LRMDA: variants seen among roughly 807,000 people sequenced by gnomAD.
The protein encoded by LRMDA is leucine-rich melanocyte differentiation-associated protein.
In LRMDA, 18 loss-of-function variants were observed where a neutral mutation model predicts 29.8. That is an observed-to-expected ratio of 0.60 (90% CI 0.42 to 0.90). LRMDA has a LOEUF of 0.90. Among genes scored for constraint, LRMDA ranks in the 40% least tolerant of loss-of-function variants. The pLI is 0.00. For synonymous variants in LRMDA, 125 were observed against 109.4 expected (o/e 1.14, Z -0.89); for missense variants, 273 against 273.9 (o/e 1.00, Z 0.02).
chr10:75,612,432 A>G (rs1255964475), intron 2 of LRMDA, among the ~76,000 whole-genome samples: 1 of 152,150 alleles, frequency 6.6e-6, no homozygotes, highest in Non-Finnish European at 1.5e-5. Context: ...TAATTCTACT[A>G]TAATACTTGA....
chr10:75,852,398 T>TA (rs1179610513), intron 2 of LRMDA, among the ~76,000 whole-genome samples: 14 of 152,236 alleles, frequency 9.2e-5, no homozygotes, highest in African/African-American at 2.6e-4. Flanking sequence ...ACAGATATTT[T>TA]AAAAAACAAC....
At chr10:75,503,380 GGGT>G in intron 2 of LRMDA, among the ~76,000 whole-genome samples, 1 of 152,124 alleles carries the variant, frequency 6.6e-6, no homozygotes. Context: ...TGCAGGGCAG[GGGT>G]GGTGGTGGAT....
chr10:75,512,324 T>C lies in LRMDA; in HGVS notation c.131+73830T>C, dbSNP rs183256560. Among the ~76,000 whole-genome samples, 14 of 152,094 alleles carry C rather than the reference T, an allele frequency of 9.2e-5. No individual in the cohort carries two copies. The East Asian group carries it at 2.7e-3, about 29-fold the overall frequency. ...GAAATTCCTGTATATTCACAGCTAA[T>C]CGTTTTCTCCCCTTGAATCAATGTG... On this transcript the variant is annotated intron_variant, in intron 2 of 6. Transcript: ENST00000611255.
At chr10:75,736,159 C>T (rs781349424) in intron 2 of LRMDA, among the ~76,000 whole-genome samples, 25 of 152,086 alleles carry the variant, frequency 1.6e-4, no homozygotes, top group Non-Finnish European at 3.1e-4. Flanking sequence ...GTGTAAAAAC[C>T]GTAATAGTTT....
At chr10:75,658,325 A>G (rs938306789) in intron 2 of LRMDA, among the ~76,000 whole-genome samples, 87 of 150,764 alleles carry the variant, frequency 5.8e-4, no homozygotes, top group Admixed American at 2.4e-3. Flanking sequence ...GAGGCAGGGA[A>G]GGCTGGTGAA....
intron 5 of LRMDA, among the ~76,000 whole-genome samples, chr10:76,068,878 C>T (rs376295484): frequency 1.3e-5 from 2 of 152,186 alleles, no homozygotes; most frequent in Non-Finnish European, 2.9e-5. Context: ...AATGGCACCC[C>T]GTTCCACCAC....
chr10:75,672,541 C>T (rs1260358640), intron 2 of LRMDA, among the ~76,000 whole-genome samples: 1 of 8,596 alleles, frequency 1.2e-4, no homozygotes, highest in Admixed American at 8.0e-4. Context: ...CTCCCCTCCC[C>T]TCCCCTCCCC....
intron 2 of LRMDA, among the ~76,000 whole-genome samples, chr10:75,768,161 A>G (rs1236718445): frequency 6.6e-6 from 1 of 152,194 alleles, no homozygotes; most frequent in East Asian, 1.9e-4. Flanking sequence ...TGTAACAGCC[A>G]TGGGAATCCA....
chr10:76,465,819 C>T (rs1324858288), intron 6 of LRMDA, among the ~76,000 whole-genome samples: 1 of 151,884 alleles, frequency 6.6e-6, no homozygotes, highest in African/African-American at 2.4e-5. Flanking sequence ...TGTTTGTGGC[C>T]TCTCCCCTCC....
intron 6 of LRMDA, among the ~76,000 whole-genome samples, chr10:76,533,507 A>C (rs1337998418): frequency 6.6e-6 from 1 of 152,192 alleles, no homozygotes; most frequent in Non-Finnish European, 1.5e-5. Flanking sequence ...GGCCTCCAAG[A>C]ACAACTTGCT....
chr10:76,258,469 A>C (rs569550642), intron 5 of LRMDA, among the ~76,000 whole-genome samples: 1 of 152,188 alleles, frequency 6.6e-6, no homozygotes, highest in Non-Finnish European at 1.5e-5. Flanking sequence ...GGAACATTCA[A>C]TATCCTTCTT....
At chr10:76,003,147 C>T (rs779702125) in intron 2 of LRMDA, among the ~76,000 whole-genome samples, 21 of 152,156 alleles carry the variant, frequency 1.4e-4, no homozygotes, top group Non-Finnish European at 2.8e-4. Context: ...AGAAAGCCAT[C>T]AGAACAGGGA....
chr10:76,442,766 T>C (rs1302805844), intron 6 of LRMDA, among the ~76,000 whole-genome samples: 1 of 152,184 alleles, frequency 6.6e-6, no homozygotes, highest in African/African-American at 2.4e-5. Context: ...TTGATTTCTC[T>C]TTTTAGGCGT....
intron 6 of LRMDA, among the ~76,000 whole-genome samples, chr10:76,404,644 GA>G (rs1841884246): frequency 6.6e-6 from 1 of 152,310 alleles, no homozygotes; most frequent in East Asian, 1.9e-4. Context: ...CTGGGTATAT[GA>G]ATGGCTCAAT....
At chr10:76,101,071 T>A (rs1269364122) in intron 5 of LRMDA, among the ~76,000 whole-genome samples, 1 of 152,220 alleles carries the variant, frequency 6.6e-6, no homozygotes, top group Non-Finnish European at 1.5e-5. Context: ...AGTAATAATT[T>A]TACAAATTAT....
At chr10:75,595,759 GAAGC>G (rs1840778749) in intron 2 of LRMDA, among the ~76,000 whole-genome samples, 1 of 151,768 alleles carries the variant, frequency 6.6e-6, no homozygotes, top group Admixed American at 6.6e-5. Flanking sequence ...TCATAATGAA[GAAGC>G]AAGTTGAAAA....
intron 6 of LRMDA, among the ~76,000 whole-genome samples, chr10:76,543,884 A>G (rs1843387711): frequency 6.6e-6 from 1 of 152,138 alleles, no homozygotes; most frequent in Admixed American, 6.5e-5. Context: ...CAATAGTTAC[A>G]TCAGCTTCCT....
At chr10:75,532,108 G>A (rs1347128473) in intron 2 of LRMDA, among the ~76,000 whole-genome samples, 1 of 150,838 alleles carries the variant, frequency 6.6e-6, no homozygotes, top group African/African-American at 2.4e-5. Flanking sequence ...ACAAGGGGGT[G>A]TTTAAAAATT....
chr10:76,379,216 T>C (rs146701696), intron 6 of LRMDA, among the ~76,000 whole-genome samples: 2,327 of 149,646 alleles, frequency 0.016, 30 homozygotes, highest in Non-Finnish European at 0.022. Flanking sequence ...TGCCTGGCTT[T>C]GGTATCAGGG....
Sources: allele counts gnomAD v4.1 joint callset (sites outside exome capture counted in the v4.1 genomes callset), GRCh38; gene constraint gnomAD v4.1.1; transcripts MANE v1.5; gene names NCBI Gene and HGNC (gene_info 2026-07-23, HGNC 2026-07-21).